Variants in EWSR1 observed in about 807,000 individuals in gnomAD.
EWSR1 encodes RNA-binding protein EWS.
A neutral mutation model predicts 92.1 loss-of-function variants in EWSR1; 14 were observed. The observed-to-expected ratio is 0.15, with a 90% CI of 0.10 to 0.24. The LOEUF is 0.24. EWSR1 is among the 10% of genes least tolerant of loss of function. The pLI, the probability that EWSR1 is intolerant of heterozygous loss-of-function variation, is 1.00. For synonymous variants in EWSR1, 303 were observed against 292.9 expected, an observed-to-expected ratio of 1.03 and a Z score of -0.35; for missense variants, 637 against 870.9, an observed-to-expected ratio of 0.73 and a Z score of 3.38.
intron 8 of EWSR1, chr22:29,289,174 A>G (rs11703595): frequency 0.012 from 2,852 of 242,288 alleles, 30 homozygotes; most frequent in Middle Eastern, 0.017. Context: ...TACCTGGTGT[A>G]TATACTGCAG....
Position 29,283,505 on chromosome 22 carries a change from C to A in EWSR1, c.581+948C>A, listed in dbSNP as rs1003091269. On this transcript the variant is annotated intron_variant, in intron 6 of 16. Coordinates refer to ENST00000397938, the MANE Select transcript of EWSR1 (RefSeq NM_005243.4). ...CTGGGACTGCAAGTGCATGCCACCACACCTGACTAACTTTTCTTTTTGTTT... is the reference window on the plus strand; with the variant it reads ...CTGGGACTGCAAGTGCATGCCACCAAACCTGACTAACTTTTCTTTTTGTTT... Among the ~76,000 whole-genome samples the A allele has an allele frequency of 1.1e-4, 16 of 151,028 alleles. 2 individuals are homozygous for A. The highest frequency in any genetic ancestry group is 3.7e-4 in the African/African-American group (15 of 40,424).
intron 12 of EWSR1, 121 bp from the exon 13 acceptor site, chr22:29,297,706 A>G: frequency 1.5e-6 from 2 of 1,359,700 alleles, no homozygotes; most frequent in East Asian, 4.7e-5. Context: ...CTTGTCATTA[A>G]AGATCTTAGA....
intron 12 of EWSR1, among the ~76,000 whole-genome samples, chr22:29,297,245 G>A (rs972013657): frequency 6.6e-6 from 1 of 152,136 alleles, no homozygotes; most frequent in Non-Finnish European, 1.5e-5. Context: ...CCACCTCCCA[G>A]GTTCAAGCCA....
chr22:29,299,081 C>G, intron 14 of EWSR1, 153 bp from the exon 15 acceptor site: 2 of 1,470,734 alleles, frequency 1.4e-6, no homozygotes, highest in Non-Finnish European at 1.9e-6. Flanking sequence ...TTGACCTGTC[C>G]TGTGGGTGCA....
chr22:29,286,796 A>T, intron 6 of EWSR1, 127 bp from the exon 7 acceptor site: 1 of 642,768 alleles, frequency 1.6e-6, no homozygotes, highest in African/African-American at 1.8e-5. Context: ...GTTGATGTGT[A>T]GAAAGTAACT....
intron 5 of EWSR1, among the ~76,000 whole-genome samples, chr22:29,281,529 TC>T (rs2059600735): frequency 6.6e-6 from 1 of 152,066 alleles, no homozygotes; most frequent in African/African-American, 2.4e-5. Context: ...GGTCTGAAAC[TC>T]CTGGGCTCAA....
intron 6 of EWSR1, among the ~76,000 whole-genome samples, chr22:29,285,908 G>A (rs1333920601): frequency 6.6e-6 from 1 of 152,080 alleles, no homozygotes; most frequent in Non-Finnish European, 1.5e-5. Context: ...CACTATCTCG[G>A]CTCACTGCAA....
intron 1 of EWSR1, among the ~76,000 whole-genome samples, chr22:29,270,865 T>TAA (rs2058623156): frequency 6.6e-6 from 1 of 152,244 alleles, no homozygotes; most frequent in South Asian, 2.1e-4. Context: ...AAAATGCCTT[T>TAA]AAGATTGTCA....
chr22:29,296,193 A>T (rs917755806), intron 11 of EWSR1, 46 bp from the exon 12 acceptor site: 4 of 1,572,580 alleles, frequency 2.5e-6, no homozygotes, highest in Non-Finnish European at 2.6e-6. Context: ...TTTTCTCCCA[A>T]ATTAGTATAT....
At chr22:29,291,187 G>A (rs1299742358) in intron 8 of EWSR1, 1 of 264,846 alleles carries the variant, frequency 3.8e-6, no homozygotes, top group Non-Finnish European at 7.2e-6. Flanking sequence ...TTATGAACAT[G>A]GAAAGGTTTA....
intron 14 of EWSR1, 98 bp downstream of exon 14, chr22:29,298,993 A>G: frequency 1.0e-5 from 14 of 1,396,138 alleles, no homozygotes; most frequent in Non-Finnish European, 1.4e-5. Context: ...CTAGAGGAAC[A>G]GAATGATGAC....
intron 5 of EWSR1, among the ~76,000 whole-genome samples, chr22:29,279,365 A>G (rs1001145108): frequency 2.0e-5 from 3 of 152,218 alleles, no homozygotes; most frequent in Non-Finnish European, 4.4e-5. Flanking sequence ...TATTCAAGAA[A>G]TCAAACATTA....
At chr22:29,295,451 GA>G (rs932310156) in intron 11 of EWSR1, 24 of 209,580 alleles carry the variant, frequency 1.1e-4, no homozygotes, top group African/African-American at 5.5e-4. Flanking sequence ...AACAGAGTGA[GA>G]CTCTGTCTCA....
intron 14 of EWSR1, 35 bp from the exon 15 acceptor site, chr22:29,299,199 A>G (rs774755302): frequency 3.6e-5 from 58 of 1,613,718 alleles, no homozygotes; most frequent in African/African-American, 9.4e-5. Flanking sequence ...CCTTAGTTCA[A>G]TTGGTGATTT....
intron 4 of EWSR1, chr22:29,274,133 A>G (rs1175613147): frequency 2.9e-6 from 3 of 1,022,636 alleles, no homozygotes; most frequent in East Asian, 4.8e-5. Flanking sequence ...ACTATGTAAA[A>G]GATTTTGCTA....
chr22:29,289,841 A>G (rs2060315842), intron 8 of EWSR1: 2 of 231,396 alleles, frequency 8.6e-6, no homozygotes, highest in South Asian at 1.8e-4. Context: ...CTTTAGTGAA[A>G]TCTTTATTGG....
chr22:29,280,897 T>G (rs1192939646), intron 5 of EWSR1, among the ~76,000 whole-genome samples: 1 of 86,012 alleles, frequency 1.2e-5, no homozygotes, highest in African/African-American at 6.1e-5. Flanking sequence ...TTTTTTTTTT[T>G]TTGACAGAGT....
intron 4 of EWSR1, chr22:29,277,509 G>T (rs2059215209): frequency 4.4e-6 from 1 of 227,350 alleles, no homozygotes; most frequent in Non-Finnish European, 8.7e-6. Flanking sequence ...CCAAAAGAAA[G>T]TGATTAAATT....
chr22:29,286,967 C>G lies in EWSR1; in HGVS notation c.626C>G (p.Ser209Cys). ...QPTSYDQSSY[S>C]QQNTYGQPSS... Reference sequence around the variant, plus strand: ...ACTAGTTATGATCAGAGCAGTTACTCTCAGCAGAACACCTATGGGCAACCG... The same window carrying G: ...ACTAGTTATGATCAGAGCAGTTACTGTCAGCAGAACACCTATGGGCAACCG... The change falls in exon 7 of 17, where the codon TCT (serine) becomes TGT (cysteine). Residue 209 changes from serine to cysteine, a missense_variant. Physicochemically the swap from Ser to Cys is moderately radical, Grantham distance 112 (BLOSUM62 -1). Around this residue, in one of 5 missense-constraint regions of EWSR1, gnomAD observed 116 missense variants for 167.8 expected, o/e 0.69. Coordinates refer to ENST00000397938, the MANE Select transcript of EWSR1 (RefSeq NM_005243.4). 6.2e-7 allele frequency: 1 copy of G among 1,613,410 alleles called. No individual in the cohort carries two copies. The highest frequency in any genetic ancestry group is 8.5e-7 in the Non-Finnish European group (1 of 1,179,760).
Sources: allele counts gnomAD v4.1 joint callset (sites outside exome capture counted in the v4.1 genomes callset), GRCh38; gene constraint gnomAD v4.1.1; regional missense constraint gnomAD v4.1.1; transcripts MANE v1.5; gene names NCBI Gene and HGNC (gene_info 2026-07-23, HGNC 2026-07-21).